Variants in NIPSNAP2 observed in about 807,000 individuals in gnomAD.
NIPSNAP2 encodes the protein protein NipSnap homolog 2.
Under a neutral mutation model 48.4 loss-of-function variants are expected in NIPSNAP2, and 42 were observed. That is an observed-to-expected ratio of 0.87 (90% CI 0.68 to 1.12). The LOEUF is 1.12. NIPSNAP2 is among the 50% of genes most tolerant of loss of function. The pLI is 0.00. For synonymous variants in NIPSNAP2, 158 were observed against 126.6 expected (o/e 1.25, Z -1.67); for missense variants, 314 against 347.3 (o/e 0.90, Z 0.76).
chr7:55,973,858 C>G (rs1204392783), intron 1 of NIPSNAP2, among the ~76,000 whole-genome samples: 2 of 152,054 alleles, frequency 1.3e-5, no homozygotes, highest in Non-Finnish European at 1.5e-5. Flanking sequence ...GAGACAATAT[C>G]CTATGAATTG....
At chr7:55,974,268 GA>G (rs748036384) in intron 1 of NIPSNAP2, among the ~76,000 whole-genome samples, 6,674 of 89,258 alleles carry the variant, frequency 0.075, 185 homozygotes, top group Non-Finnish European at 0.099. Flanking sequence ...CAAAAAAAAA[GA>G]AAGAAAGAAA....
At chr7:55,974,935 C>T (rs1217316573) in intron 1 of NIPSNAP2, among the ~76,000 whole-genome samples, 1 of 151,914 alleles carries the variant, frequency 6.6e-6, no homozygotes, top group Non-Finnish European at 1.5e-5. Flanking sequence ...CACACTGGCC[C>T]ATCAGCATCT....
intron 5 of NIPSNAP2, among the ~76,000 whole-genome samples, chr7:55,982,522 G>A (rs1300308524): frequency 6.6e-6 from 1 of 152,056 alleles, no homozygotes; most frequent in Non-Finnish European, 1.5e-5. Flanking sequence ...GCCAAGGCAG[G>A]CGGATCACAA....
intron 9 of NIPSNAP2, among the ~76,000 whole-genome samples, chr7:55,997,875 A>G (rs993447169): frequency 2.0e-5 from 3 of 152,242 alleles, no homozygotes; most frequent in African/African-American, 7.2e-5. Flanking sequence ...TCCTGTATGT[A>G]CAGTATGTAT....
chr7:55,991,910 T>G (rs1055314342), intron 7 of NIPSNAP2: 8 of 214,606 alleles, frequency 3.7e-5, no homozygotes, highest in South Asian at 1.7e-4. Context: ...TTGCCTACCA[T>G]AACTAAATTA....
At chr7:55,987,008 A>C (rs913047784) in intron 7 of NIPSNAP2, among the ~76,000 whole-genome samples, 1 of 146,998 alleles carries the variant, frequency 6.8e-6, no homozygotes, top group Non-Finnish European at 1.5e-5. Flanking sequence ...AAAAAAAAAA[A>C]AACTTGCCAG....
At chr7:55,996,665 A>T (rs1787569124) in intron 8 of NIPSNAP2, among the ~76,000 whole-genome samples, 1 of 152,206 alleles carries the variant, frequency 6.6e-6, no homozygotes, top group Non-Finnish European at 1.5e-5. Flanking sequence ...TCATGAATTT[A>T]ACATGTTATT....
At chr7:55,985,446 A>G (rs1787306035) in intron 7 of NIPSNAP2, among the ~76,000 whole-genome samples, 1 of 151,960 alleles carries the variant, frequency 6.6e-6, no homozygotes, top group Non-Finnish European at 1.5e-5. Flanking sequence ...TAGAAGTGCA[A>G]AAGACTAGCC....
At chr7:55,986,919 G>A (rs1399509607) in intron 7 of NIPSNAP2, among the ~76,000 whole-genome samples, 2 of 150,304 alleles carry the variant, frequency 1.3e-5, no homozygotes, top group Non-Finnish European at 3.0e-5. Flanking sequence ...GGCCAAGGCA[G>A]GAGGATCGCT....
At chr7:55,978,725 GT>G (rs1787153232) in intron 3 of NIPSNAP2, 1 of 263,526 alleles carries the variant, frequency 3.8e-6, no homozygotes, top group Non-Finnish European at 7.3e-6. Flanking sequence ...CTGTCCTGAA[GT>G]AAGTTCCATC....
intron 1 of NIPSNAP2, among the ~76,000 whole-genome samples, chr7:55,975,236 C>T (rs749268783): frequency 1.3e-5 from 2 of 151,928 alleles, no homozygotes; most frequent in South Asian, 4.2e-4. Flanking sequence ...ATATGTTGTC[C>T]CAGCTAATCT....
At chr7:55,971,877 G>A (rs1234187172) in intron 1 of NIPSNAP2, among the ~76,000 whole-genome samples, 1 of 152,048 alleles carries the variant, frequency 6.6e-6, no homozygotes, top group African/African-American at 2.4e-5. Context: ...AAACTCCCTA[G>A]TCAGTATTTT....
chr7:55,987,522 G>T (rs567369766), intron 7 of NIPSNAP2, among the ~76,000 whole-genome samples: 1 of 152,182 alleles, frequency 6.6e-6, no homozygotes. Context: ...CAGCTACTCA[G>T]CAGGCTGAGG....
Position 55,982,156 on chromosome 7 carries a change from A to G in NIPSNAP2, c.374-54A>G, listed in dbSNP as rs1562765147. On this transcript the variant is annotated intron_variant, in intron 4 of 9. Transcript: ENST00000322090. ...GTTATACCTATCTAGAACATTTTCA[A>G]GTAGTAGTATCATGAAATTCTAAAC... 2.7e-6 allele frequency: 3 copies of G among 1,125,640 alleles called. No homozygotes were observed. In the South Asian group the frequency reaches 3.8e-5, roughly 14 times the overall value. 69.7% of individuals were successfully genotyped at this position (1,125,640 alleles called of 1,614,324 possible). A position where few individuals can be genotyped will look rare whatever the true frequency, so the allele number is the denominator to read the frequency against.
At chr7:55,983,641 A>G (rs1460234997) in intron 5 of NIPSNAP2, 87 bp from the exon 6 acceptor site, 37 of 1,369,408 alleles carry the variant, frequency 2.7e-5, no homozygotes, top group Non-Finnish European at 3.8e-5. Flanking sequence ...ACCCTATTAT[A>G]GTATTCTGTA....
At chr7:55,973,716 T>G (rs1409187999) in intron 1 of NIPSNAP2, among the ~76,000 whole-genome samples, 10 of 151,516 alleles carry the variant, frequency 6.6e-5, no homozygotes, top group African/African-American at 2.2e-4. Context: ...ACTCCTGACC[T>G]CAGGTGATCC....
intron 7 of NIPSNAP2, among the ~76,000 whole-genome samples, chr7:55,994,264 T>C (rs1373398326): frequency 6.6e-6 from 1 of 152,220 alleles, no homozygotes; most frequent in Non-Finnish European, 1.5e-5. Flanking sequence ...ACGGGTCCCA[T>C]CCTCTGCCAG....
intron 4 of NIPSNAP2, 88 bp from the exon 5 acceptor site, chr7:55,982,122 T>G: frequency 1.3e-6 from 1 of 765,460 alleles, no homozygotes; most frequent in Non-Finnish European, 2.2e-6. Context: ...AGTTTTGTGC[T>G]GTGTTAACGT....
Position 55,994,881 on chromosome 7 carries a change from C to T in NIPSNAP2, c.618-13C>T. On this transcript the variant is annotated splice_polypyrimidine_tract_variant and intron_variant, in intron 7 of 9. Coordinates refer to ENST00000322090, the MANE Select transcript of NIPSNAP2 (RefSeq NM_001483.3). ...ATTCAGTGTCTTAAACAAACATCAT[C>T]TCATTCTTACAGGGCTCGTGCAATC... is the stretch of plus-strand genomic sequence containing the variant. The T allele has an allele frequency of 6.2e-7, 1 of 1,611,162 alleles. No individual in the cohort carries two copies. Among genetic ancestry groups the T allele is most frequent in the Non-Finnish European group, 8.5e-7 (1 of 1,177,256 alleles).
Sources: gnomAD v4.1 joint callset for allele counts (sites outside exome capture counted in the v4.1 genomes callset) on GRCh38, gnomAD v4.1.1 for gene constraint, MANE v1.5 for transcripts, NCBI Gene and HGNC (gene_info 2026-07-23, HGNC 2026-07-21) for gene names.